The following CEMIP variants were observed in gnomAD, a reference collection of about 807,000 sequenced individuals.
CEMIP encodes cell migration-inducing and hyaluronan-binding protein.
Under a neutral mutation model 156.9 loss-of-function variants are expected in CEMIP, and 105 were observed. The ratio of observed to expected loss-of-function variants is 0.67; its 90% confidence interval spans 0.57 to 0.79. The LOEUF is 0.79. Among genes scored for constraint, CEMIP ranks in the 30% least tolerant of loss-of-function variants. CEMIP has a pLI of 0.00. For synonymous variants in CEMIP, 676 were observed against 668.4 expected, an observed-to-expected ratio of 1.01 and a Z score of -0.17; for missense variants, 1,457 against 1,769.4, an observed-to-expected ratio of 0.82 and a Z score of 3.17.
chr15:80,816,822 C>T (rs1896797485), intron 1 of CEMIP, among the ~76,000 whole-genome samples: 1 of 152,054 alleles, frequency 6.6e-6, no homozygotes, highest in Non-Finnish European at 1.5e-5. Flanking sequence ...GAGCACAAAC[C>T]AGGTGAGCAA....
At chr15:80,799,803 G>C (rs971246853) in intron 1 of CEMIP, among the ~76,000 whole-genome samples, 1 of 152,110 alleles carries the variant, frequency 6.6e-6, no homozygotes, top group Non-Finnish European at 1.5e-5. Flanking sequence ...TTCATCTTAA[G>C]TGAAATAAGC....
chr15:80,885,564 G>A (rs931840017), intron 7 of CEMIP, among the ~76,000 whole-genome samples: 6 of 152,108 alleles, frequency 3.9e-5, no homozygotes, highest in Admixed American at 1.3e-4. Context: ...GACTATTTAC[G>A]GCCTCAGCAG....
chr15:80,923,631 G>T lies in CEMIP; in HGVS notation c.2203-990G>T, dbSNP rs1030108586. Among the ~76,000 whole-genome samples the T allele has an allele frequency of 3.3e-5, 5 of 152,148 alleles. 1 individual carries two copies. The highest frequency in any genetic ancestry group is 1.2e-4 in the African/African-American group (5 of 41,434). Reference sequence around the variant, plus strand: ...AGGCAGGGAGGGAAGGAGTGAAGAAGAACCTCCAGCTGGATGGATTCGATT... The same window carrying T: ...AGGCAGGGAGGGAAGGAGTGAAGAATAACCTCCAGCTGGATGGATTCGATT... On this transcript the variant is annotated intron_variant, in intron 17 of 29. Transcript: ENST00000394685.
rs10519305 is a variant in CEMIP at position 80,947,371 on chromosome 15, A to G, written c.3958+306A>G. ...TTATTCAACAAAAGTATCATAAGAA[A>G]AGTGGCTTAGTCTCACCCTCCTACC... On this transcript the variant is annotated intron_variant, in intron 29 of 29. Coordinates refer to ENST00000394685, the MANE Select transcript of CEMIP (RefSeq NM_001293298.2). The G allele has an allele frequency of 0.047, 17,835 of 380,846 alleles. 600 individuals carry two copies. The highest frequency in any genetic ancestry group is 0.087 in the Admixed American group (2,314 of 26,612). 23.6% of individuals were successfully genotyped at this position (380,846 alleles called of 1,614,324 possible).
chr15:80,930,875 G>A (rs1900888389), intron 21 of CEMIP, among the ~76,000 whole-genome samples: 1 of 152,086 alleles, frequency 6.6e-6, no homozygotes, highest in Non-Finnish European at 1.5e-5. Flanking sequence ...CAATGTGCTT[G>A]ACCCAGATAC....
At position 80,937,537 on chromosome 15, in the gene CEMIP, G is replaced by GC. The variant is rs1336572813; in HGVS notation, c.3222-256dup. On this transcript the variant is annotated intron_variant, in intron 24 of 29. Coordinates refer to ENST00000394685, the MANE Select transcript of CEMIP (RefSeq NM_001293298.2). ...TCTTTTTCCCAAAGTTCCATATGCA[G>GC]CACCCCCAGGGTTGGCCCTGGAGAC... Among the ~76,000 whole-genome samples the GC allele has an allele frequency of 2.6e-5, 4 of 152,170 alleles. No individual in the cohort carries two copies. The East Asian group carries it at 7.7e-4, about 29-fold the overall frequency.
intron 1 of CEMIP, among the ~76,000 whole-genome samples, chr15:80,786,127 G>T (rs1437663696): frequency 6.6e-6 from 1 of 152,114 alleles, no homozygotes; most frequent in East Asian, 1.9e-4. Context: ...GAGCTCTGTG[G>T]GTTCCAAGGA....
rs1384820353 is a variant in CEMIP, at chr15:80,895,086, C to T, written c.1183C>T (p.Arg395Trp). ...TTGCTACGACCGGGGCAGAGCCTGCCGGAGCTACCGTGTACGGTTCCTCTG... is the reference window on the plus strand; with the variant it reads ...TTGCTACGACCGGGGCAGAGCCTGCTGGAGCTACCGTGTACGGTTCCTCTG... ...FACYDRGRAC[R>W]SYRVRFLCGK... Residue 395 changes from arginine to tryptophan, a missense_variant, in exon 11 of 30, where the codon CGG (arginine) becomes TGG (tryptophan). Physicochemically the swap from Arg to Trp is moderately radical, Grantham distance 101 (BLOSUM62 -3). Coordinates refer to ENST00000394685, the MANE Select transcript of CEMIP (RefSeq NM_001293298.2). 5.0e-6 allele frequency: 8 copies of T among 1,614,092 alleles called. No homozygotes were observed. The highest frequency in any genetic ancestry group is 1.7e-5 in the Admixed American group (1 of 60,008).
chr15:80,925,794 C>T, intron 19 of CEMIP, 39 bp downstream of exon 19: 2 of 1,601,540 alleles, frequency 1.2e-6, no homozygotes, highest in Non-Finnish European at 1.7e-6. Context: ...ACAAAGGGGG[C>T]ATGGCGCGTC....
At chr15:80,876,638 C>T (rs572113810) in intron 3 of CEMIP, among the ~76,000 whole-genome samples, 5 of 152,314 alleles carry the variant, frequency 3.3e-5, no homozygotes, top group African/African-American at 7.2e-5. Flanking sequence ...ACCCAGCAAG[C>T]GGACACTAAG....
intron 1 of CEMIP, among the ~76,000 whole-genome samples, chr15:80,804,355 A>G (rs926246012): frequency 1.3e-5 from 2 of 152,228 alleles, no homozygotes; most frequent in African/African-American, 2.4e-5. Flanking sequence ...GTCAGAGAAT[A>G]TGGGAGACAG....
At chr15:80,780,295 C>G (rs1895757231) in intron 1 of CEMIP, among the ~76,000 whole-genome samples, 1 of 152,190 alleles carries the variant, frequency 6.6e-6, no homozygotes, top group South Asian at 2.1e-4. Context: ...TGGTCCCTGG[C>G]AAAGGACGTC....
Position 80,931,844 on chromosome 15 carries a change from T to C in CEMIP, c.2613-15T>C, listed in dbSNP as rs771552305. The C allele has an allele frequency of 1.6e-5, 26 of 1,612,470 alleles. No homozygotes were observed. The South Asian group carries it at 2.9e-4, about 18-fold the overall frequency. ...AAAACATTTAGACTGACATCTTACT[T>C]CCTTAACTCCGTAGGAATTTTCCAA... On this transcript the variant is annotated splice_polypyrimidine_tract_variant and intron_variant, in intron 21 of 29. Transcript: ENST00000394685.
At chr15:80,945,645 C>T (rs1901522676) in intron 28 of CEMIP, among the ~76,000 whole-genome samples, 1 of 152,226 alleles carries the variant, frequency 6.6e-6, no homozygotes, top group South Asian at 2.1e-4. Context: ...ATCTTTCCCG[C>T]TGTTCCCAGT....
chr15:80,908,130 G>A (rs1027017374), intron 13 of CEMIP, among the ~76,000 whole-genome samples: 1 of 152,214 alleles, frequency 6.6e-6, no homozygotes, highest in African/African-American at 2.4e-5. Flanking sequence ...CCTGGGTATA[G>A]GGTGGGGCAG....
At chr15:80,916,242 A>G (rs1003456537) in intron 14 of CEMIP, among the ~76,000 whole-genome samples, 1 of 152,130 alleles carries the variant, frequency 6.6e-6, no homozygotes, top group African/African-American at 2.4e-5. Flanking sequence ...AAACCAAATA[A>G]AATGGTCACA....
intron 1 of CEMIP, among the ~76,000 whole-genome samples, chr15:80,800,006 A>G (rs1353420153): frequency 8.8e-6 from 1 of 113,004 alleles, no homozygotes; most frequent in African/African-American, 3.3e-5. Context: ...ACATAACACC[A>G]TGCCAGCTAA....
intron 1 of CEMIP, among the ~76,000 whole-genome samples, chr15:80,820,065 C>T (rs895697118): frequency 6.6e-6 from 1 of 152,200 alleles, no homozygotes; most frequent in Non-Finnish European, 1.5e-5. Context: ...CTTTGATTCT[C>T]GGCTAAGGTC....
intron 1 of CEMIP, among the ~76,000 whole-genome samples, chr15:80,819,693 A>C (rs575644925): frequency 3.4e-4 from 52 of 152,338 alleles, no homozygotes; most frequent in African/African-American, 1.1e-3. Context: ...TGTTTTAAGG[A>C]GGAAAGAAAG....
Sources: allele counts gnomAD v4.1 joint callset (sites outside exome capture counted in the v4.1 genomes callset), GRCh38; gene constraint gnomAD v4.1.1; transcripts MANE v1.5; gene names NCBI Gene and HGNC (gene_info 2026-07-23, HGNC 2026-07-21).